The following NEK7 variants were observed in gnomAD, a reference collection of about 807,000 sequenced individuals.
NEK7 encodes the protein serine/threonine-protein kinase Nek7.
Under a neutral mutation model 44.6 loss-of-function variants are expected in NEK7, and 18 were observed. The observed-to-expected ratio is 0.40, with a 90% confidence interval of 0.28 to 0.60. NEK7 has a LOEUF of 0.60. Among genes scored for constraint, NEK7 ranks in the 20% least tolerant of loss-of-function variants. The pLI, the probability that NEK7 is intolerant of heterozygous loss-of-function variation, is 0.38. For missense variants in NEK7, 256 were observed against 366.5 expected (o/e 0.70, Z 2.46); for synonymous variants, 130 against 121.1 (o/e 1.07, Z -0.48).
chr1:198,276,849 C>A (rs1405700066), intron 5 of NEK7, among the ~76,000 whole-genome samples: 1 of 151,634 alleles, frequency 6.6e-6, no homozygotes, highest in African/African-American at 2.4e-5. Context: ...TTTCCTTGTA[C>A]TGTTTTTCCA....
At chr1:198,252,736 A>G (rs1653110672) in intron 2 of NEK7, among the ~76,000 whole-genome samples, 1 of 150,922 alleles carries the variant, frequency 6.6e-6, no homozygotes, top group Admixed American at 6.6e-5. Flanking sequence ...ACATGTATGT[A>G]TGTTTTATAT....
chr1:198,301,664 A>C (rs1310522204), intron 9 of NEK7, among the ~76,000 whole-genome samples: 1 of 152,248 alleles, frequency 6.6e-6, no homozygotes, highest in Non-Finnish European at 1.5e-5. Context: ...AGTTTAAGAA[A>C]TGGAAATGAG....
intron 1 of NEK7, among the ~76,000 whole-genome samples, chr1:198,163,673 G>A (rs1460096576): frequency 6.6e-6 from 1 of 152,020 alleles, no homozygotes; most frequent in East Asian, 1.9e-4. Context: ...AGATTTTTCT[G>A]GGGGGAGGAT....
At chr1:198,178,668 A>G (rs1571504660) in intron 1 of NEK7, among the ~76,000 whole-genome samples, 1 of 150,980 alleles carries the variant, frequency 6.6e-6, no homozygotes, top group African/African-American at 2.4e-5. Context: ...TTGTTCATGG[A>G]CCCTCTCCCT....
chr1:198,316,609 T>G (rs368717214), intron 9 of NEK7, among the ~76,000 whole-genome samples: 6 of 152,358 alleles, frequency 3.9e-5, no homozygotes, highest in South Asian at 4.1e-4. Context: ...TATAATAGAA[T>G]TATTTCTGTG....
intron 1 of NEK7, among the ~76,000 whole-genome samples, chr1:198,180,436 T>C (rs949880925): frequency 2.0e-5 from 3 of 152,086 alleles, no homozygotes; most frequent in African/African-American, 7.2e-5. Flanking sequence ...TTCTTTCCTT[T>C]GTAACAGTTT....
intron 2 of NEK7, among the ~76,000 whole-genome samples, chr1:198,235,083 T>C (rs1666510485): frequency 1.3e-5 from 2 of 152,182 alleles, no homozygotes; most frequent in African/African-American, 2.4e-5. Flanking sequence ...GTTAGCCCAG[T>C]GACTTCTTTC....
intron 1 of NEK7, among the ~76,000 whole-genome samples, chr1:198,179,859 A>G (rs1479895003): frequency 1.3e-5 from 2 of 152,016 alleles, no homozygotes; most frequent in Non-Finnish European, 2.9e-5. Flanking sequence ...GTGTGTGTAA[A>G]CACACAAAGT....
intron 3 of NEK7, among the ~76,000 whole-genome samples, chr1:198,258,911 G>A (rs1466638184): frequency 2.0e-5 from 3 of 152,150 alleles, no homozygotes; most frequent in Admixed American, 6.6e-5. Context: ...TCATCGGACA[G>A]CTTTGAATCT....
At chr1:198,296,974 T>C (rs1654734203) in intron 8 of NEK7, among the ~76,000 whole-genome samples, 153 bp from the exon 9 acceptor site, 1 of 152,210 alleles carries the variant, frequency 6.6e-6, no homozygotes, top group African/African-American at 2.4e-5. Flanking sequence ...TTAATAAATT[T>C]CCTCAGAAGG....
rs182581728 is a variant in NEK7, at chr1:198,166,046, C to A, written c.-29+8770C>A. 2.0e-5 allele frequency among the ~76,000 whole-genome samples: 3 copies of A among 152,352 alleles called. No homozygotes were observed. In the East Asian group the frequency reaches 5.8e-4, roughly 29 times the overall value. ...TCTTCTGCAGCTTCCTCACCACTCT[C>A]AGCCTTCACAGAGCTGAAGGGAGTT... On this transcript the variant is annotated intron_variant, in intron 1 of 9. Coordinates refer to ENST00000367385, the MANE Select transcript of NEK7 (RefSeq NM_133494.3).
In NEK7 at chr1:198,232,583, G is replaced by GC. The variant is rs1666428543; in HGVS notation, c.3_4insC (p.Asp2ArgfsTer2). The GC allele has an allele frequency of 1.2e-6, 2 of 1,600,390 alleles. No individual in the cohort carries two copies. The highest frequency in any genetic ancestry group is 1.7e-6 in the Non-Finnish European group (2 of 1,167,942). On this transcript the variant is annotated frameshift_variant, in exon 2 of 10. Coordinates refer to ENST00000367385, the MANE Select transcript of NEK7 (RefSeq NM_133494.3). LOFTEE classifies it high-confidence loss of function. The stretch of plus-strand genomic sequence containing the variant: ...TAAAGTTCCTGTTGCTTCAGACAAT[G>GC]GATGAGCAATCACAAGGAATGCAAG...
chr1:198,249,223 T>C (rs920469033), intron 2 of NEK7, among the ~76,000 whole-genome samples: 2 of 152,036 alleles, frequency 1.3e-5, no homozygotes, highest in Non-Finnish European at 2.9e-5. Context: ...CATGAACTCA[T>C]CATTTTTTAT....
chr1:198,235,179 A>G (rs1425362850), intron 2 of NEK7, among the ~76,000 whole-genome samples: 2 of 152,184 alleles, frequency 1.3e-5, no homozygotes, highest in African/African-American at 4.8e-5. Context: ...TGTTATAATG[A>G]TAAGTGATGT....
intron 1 of NEK7, among the ~76,000 whole-genome samples, chr1:198,213,549 C>A (rs1665837062): frequency 1.3e-5 from 2 of 152,186 alleles, no homozygotes; most frequent in East Asian, 3.9e-4. Flanking sequence ...GGAGCACTCT[C>A]CTCGTTCAGG....
At chr1:198,253,767 C>T (rs1653159856) in intron 3 of NEK7, among the ~76,000 whole-genome samples, 1 of 152,102 alleles carries the variant, frequency 6.6e-6, no homozygotes. Flanking sequence ...TATCTTGCTC[C>T]AGCTCCTCTT....
At chr1:198,269,738 G>A (rs908586810) in intron 5 of NEK7, among the ~76,000 whole-genome samples, 36 of 152,152 alleles carry the variant, frequency 2.4e-4, no homozygotes, top group African/African-American at 7.7e-4. Flanking sequence ...TAATTAATTG[G>A]TTCAGAGCAG....
At chr1:198,315,287 C>T (rs931099054) in intron 9 of NEK7, among the ~76,000 whole-genome samples, 1 of 152,226 alleles carries the variant, frequency 6.6e-6, no homozygotes, top group African/African-American at 2.4e-5. Flanking sequence ...CCTCGCCCTG[C>T]TTCGGCTCGC....
intron 2 of NEK7, among the ~76,000 whole-genome samples, chr1:198,248,167 G>A (rs1666888135): frequency 6.6e-6 from 1 of 152,146 alleles, no homozygotes; most frequent in Non-Finnish European, 1.5e-5. Context: ...CCGAAAAAGA[G>A]AAGATATGAG....
Sources: gnomAD v4.1 joint callset for allele counts (sites outside exome capture counted in the v4.1 genomes callset) on GRCh38, gnomAD v4.1.1 for gene constraint, MANE v1.5 for transcripts, NCBI Gene and HGNC (gene_info 2026-07-23, HGNC 2026-07-21) for gene names.